Variants in IGHMBP2 observed in about 807,000 individuals in gnomAD.
IGHMBP2 encodes DNA-binding protein SMUBP-2.
IGHMBP2 carries 81 observed loss-of-function variants against 96.0 expected under a neutral mutation model. That is an observed-to-expected ratio of 0.84 (90% CI 0.71 to 1.01). The LOEUF is 1.01. IGHMBP2 is among the 50% of genes least tolerant of loss of function. The pLI, the probability that IGHMBP2 is intolerant of heterozygous loss-of-function variation, is 0.00. For missense variants in IGHMBP2, 1,227 were observed against 1,306.3 expected (o/e 0.94, Z 0.94); for synonymous variants, 557 against 548.9 (o/e 1.01, Z -0.21).
intron 8 of IGHMBP2, chr11:68,932,910 T>C: frequency 3.8e-6 from 1 of 260,492 alleles, no homozygotes; most frequent in Non-Finnish European, 7.6e-6. Flanking sequence ...TTGTTGCCCT[T>C]TCCTCTGTCT....
Position 68,933,293 on chromosome 11 carries a change from G to A in IGHMBP2, c.1236-6G>A, listed in dbSNP as rs201538340. On this transcript the variant is annotated splice_region_variant and splice_polypyrimidine_tract_variant and intron_variant, in intron 8 of 14. Transcript: ENST00000255078. ...TGCCTTCCCCCTTTCTCCCTCCTGGGCGCAGGGCTGCGCTGGCAGGACTGT... is the reference window on the plus strand; with the variant it reads ...TGCCTTCCCCCTTTCTCCCTCCTGGACGCAGGGCTGCGCTGGCAGGACTGT... The A allele has an allele frequency of 8.6e-5, 139 of 1,610,804 alleles. 1 individual carries two copies. The highest frequency in any genetic ancestry group is 9.8e-5 in the Non-Finnish European group (115 of 1,179,252).
chr11:68,912,001 G>A (rs1004386618), intron 5 of IGHMBP2, among the ~76,000 whole-genome samples: 26 of 152,400 alleles, frequency 1.7e-4, no homozygotes, highest in East Asian at 3.9e-4. Context: ...TGGTTGAGGT[G>A]TTAACAGCTA....
At chr11:68,907,876 A>G (rs1217161711) in intron 2 of IGHMBP2, among the ~76,000 whole-genome samples, 2 of 152,026 alleles carry the variant, frequency 1.3e-5, no homozygotes, top group African/African-American at 4.8e-5. Flanking sequence ...TTTTTAGTAG[A>G]GACGGGCTTT....
chr11:68,937,432 C>A (rs1197510596), intron 13 of IGHMBP2, among the ~76,000 whole-genome samples: 2 of 152,260 alleles, frequency 1.3e-5, no homozygotes, highest in Admixed American at 6.5e-5. Flanking sequence ...GGGTCCCATG[C>A]AACATGTGGC....
At chr11:68,921,305 C>G (rs865897154) in intron 7 of IGHMBP2, among the ~76,000 whole-genome samples, 58 of 151,928 alleles carry the variant, frequency 3.8e-4, no homozygotes, top group African/African-American at 1.3e-3. Flanking sequence ...TGCTGTTTTG[C>G]CCAGGCTGGT....
At chr11:68,934,631 G>A in intron 11 of IGHMBP2, 73 bp downstream of exon 11, 1 of 1,189,986 alleles carries the variant, frequency 8.4e-7, no homozygotes, top group Non-Finnish European at 1.2e-6. Context: ...AAGAAAAAGG[G>A]TGATTTGTTG....
intron 13 of IGHMBP2, 61 bp from the exon 14 acceptor site, chr11:68,938,121 C>T: frequency 6.3e-7 from 1 of 1,583,142 alleles, no homozygotes; most frequent in East Asian, 2.2e-5. Context: ...GATTTTAAAA[C>T]CTTAAATGAG....
rs1555243325 is a variant in IGHMBP2 at position 68,911,580 on chromosome 11, C to G, written c.688C>G (p.Gln230Glu). The G allele has an allele frequency of 6.2e-7, 1 of 1,614,202 alleles. No homozygotes were observed. Among genetic ancestry groups the G allele is most frequent in the Non-Finnish European group, 8.5e-7 (1 of 1,180,028 alleles). The change falls in exon 5 of 15, where the codon CAA (glutamine) becomes GAA (glutamate). Residue 230 changes from glutamine to glutamate, a missense_variant. Physicochemically the swap from Gln to Glu is conservative, Grantham distance 29. Transcript: ENST00000255078. ...CACGACTGTGGTTGAGATCATTCTT[C>G]AAGCTGTGAAACAAGGCTTAAAGGT... ...KTTTVVEIIL[Q>E]AVKQGLKVLC...
At position 68,912,971 on chromosome 11, in the gene IGHMBP2, G is replaced by T. The variant is rs536772947; in HGVS notation, c.711+1368G>T. On this transcript the variant is annotated intron_variant, in intron 5 of 14. Transcript: ENST00000255078. ...GCAGGAGAATTGCTTGAACCTGGGA[G>T]GTGGAGGTTGCAGTGAACTGAGATC... Among the ~76,000 whole-genome samples, 16 of 149,452 alleles carry T rather than the reference G, an allele frequency of 1.1e-4. No individual in the cohort carries two copies. In the East Asian group the frequency reaches 3.2e-3, roughly 30 times the overall value.
In IGHMBP2 at chr11:68,939,588, G is replaced by C. The variant is rs1283175920; in HGVS notation, c.2839G>C (p.Glu947Gln). 6.2e-7 allele frequency: 1 copy of C among 1,613,158 alleles called. No homozygotes were observed. Among genetic ancestry groups the C allele is most frequent in the African/African-American group, 1.3e-5 (1 of 74,938 alleles). ...RAHARQRISR[E>Q]GVLYAGSGTK... Reference sequence around the variant, plus strand: ...CCATGCCCGGCAGAGAATCAGCCGGGAAGGGGTCCTCTATGCCGGCAGCGG... The same window carrying C: ...CCATGCCCGGCAGAGAATCAGCCGGCAAGGGGTCCTCTATGCCGGCAGCGG... Residue 947 changes from glutamate to glutamine, a missense_variant, in exon 15 of 15, where the codon GAA becomes CAA. This residue lies in a region of IGHMBP2 where 703 missense variants were observed against 770.3 expected (regional missense o/e 0.91). Transcript: ENST00000255078.
At position 68,915,009 on chromosome 11, in the gene IGHMBP2, A is replaced by G. The variant is rs767156490; in HGVS notation, c.898A>G (p.Ile300Val). The G allele has an allele frequency of 1.9e-6, 3 of 1,614,058 alleles. No homozygotes were observed. Among genetic ancestry groups the G allele is most frequent in the South Asian group, 2.2e-5 (2 of 91,078 alleles). Residue 300 changes from isoleucine to valine, a missense_variant, in exon 6 of 15, where the codon ATC becomes GTC. Physicochemically the swap from Ile to Val is conservative, Grantham distance 29. Transcript: ENST00000255078. ...AQIVADIRKD[I>V]DQVFVKNKKT... ...GATTGTTGCAGATATCAGGAAGGAC[A>G]TCGACCAGGTCTTTGTAGGTGTCAT...
intron 11 of IGHMBP2, 120 bp downstream of exon 11, chr11:68,934,678 C>A (rs1859457190): frequency 1.3e-6 from 1 of 774,414 alleles, no homozygotes; most frequent in African/African-American, 1.7e-5. Flanking sequence ...TAGGGCTGAC[C>A]TTATTGTGAC....
At chr11:68,923,992 C>G (rs1045744472) in intron 7 of IGHMBP2, among the ~76,000 whole-genome samples, 1 of 152,200 alleles carries the variant, frequency 6.6e-6, no homozygotes, top group East Asian at 1.9e-4. Context: ...TCTGTACTCT[C>G]TCCTGGAAAC....
intron 4 of IGHMBP2, among the ~76,000 whole-genome samples, chr11:68,910,461 C>T (rs1166911691): frequency 6.6e-6 from 1 of 152,208 alleles, no homozygotes; most frequent in Non-Finnish European, 1.5e-5. Flanking sequence ...AAGTCAGGGT[C>T]AGCAAACACC....
Position 68,936,603 on chromosome 11 carries a change from C to G in IGHMBP2, c.2123C>G (p.Ser708Cys), listed in dbSNP as rs1042372226. 3 of 1,613,196 alleles carry G rather than the reference C, an allele frequency of 1.9e-6. No homozygotes were observed. The African/African-American group carries it at 4.0e-5, about 22-fold the overall frequency. The stretch of plus-strand genomic sequence containing the variant: ...AAGTCTCTGGCCTCTGAAGCTCCAT[C>G]TCAGCCCAGCCTCAACGGAGGCAGC... ...AGKSLASEAP[S>C]QPSLNGGSPE... The change falls in exon 13 of 15, where the codon TCT (serine) becomes TGT (cysteine). Residue 708 changes from serine (S) to cysteine (C), a missense_variant. Physicochemically the swap from Ser to Cys is moderately radical, Grantham distance 112. This residue lies in a region of IGHMBP2 where 703 missense variants were observed against 770.3 expected (regional missense o/e 0.91). Transcript: ENST00000255078.
At chr11:68,923,711 G>A (rs1370215221) in intron 7 of IGHMBP2, among the ~76,000 whole-genome samples, 1 of 152,128 alleles carries the variant, frequency 6.6e-6, no homozygotes, top group South Asian at 2.1e-4. Context: ...GTGGGATTAG[G>A]TGCTGTTCCC....
rs149294713 is a variant in IGHMBP2, at chr11:68,938,247, G to A, written c.2677G>A (p.Ala893Thr). 1.2e-6 allele frequency: 2 copies of A among 1,613,926 alleles called. No individual in the cohort carries two copies. Among genetic ancestry groups the A allele is most frequent in the Admixed American group, 1.7e-5 (1 of 60,002 alleles). Residue 893 changes from alanine (A) to threonine (T), a missense_variant, in exon 14 of 15, where the codon GCT becomes ACT. Physicochemically the swap from Ala to Thr is moderately conservative, Grantham distance 58. Coordinates refer to ENST00000255078, the MANE Select transcript of IGHMBP2 (RefSeq NM_002180.3). ...FEALVSAAVK[A>T]DNTCGFAKCT... ...GGCCCTGGTTTCTGCCGCCGTTAAG[G>A]CTGATAACACCTGCGGCTTTGCCAA...
At chr11:68,933,147 TC>T in intron 8 of IGHMBP2, 151 bp from the exon 9 acceptor site, 1 of 753,230 alleles carries the variant, frequency 1.3e-6, no homozygotes. Context: ...GGGCTGTGAT[TC>T]AGCCAAACCC....
intron 8 of IGHMBP2, among the ~76,000 whole-genome samples, chr11:68,931,831 C>T (rs1053907051): frequency 6.6e-6 from 1 of 152,166 alleles, no homozygotes; most frequent in Admixed American, 6.5e-5. Flanking sequence ...AAGTTTGGAA[C>T]TGTGCCCTTG....
Sources: gnomAD v4.1 joint callset for allele counts (sites outside exome capture counted in the v4.1 genomes callset) on GRCh38, gnomAD v4.1.1 for gene constraint, gnomAD v4.1.1 regional missense constraint, MANE v1.5 for transcripts, NCBI Gene and HGNC (gene_info 2026-07-23, HGNC 2026-07-21) for gene names.